Variants in DMD observed in about 807,000 individuals in gnomAD.
DMD encodes the protein mutant dystrophin.
DMD carries 63 observed loss-of-function variants against 330.1 expected under a neutral mutation model. That is an observed-to-expected ratio of 0.19 (90% CI 0.16 to 0.24). The LOEUF (loss-of-function observed/expected upper bound fraction) is 0.24. Among genes scored for constraint, DMD ranks in the 10% least tolerant of loss-of-function variants. DMD has a pLI of 1.00. For synonymous variants in DMD, 1,223 were observed against 959.8 expected (o/e 1.27, Z -5.07); for missense variants, 3,344 against 2,684.1 (o/e 1.25, Z -5.43).
At chrX:32,123,459 C>T (rs1489164255) in intron 44 of DMD, among the ~76,000 whole-genome samples, 2 of 106,965 alleles carry the variant, frequency 1.9e-5, no homozygotes, top group Admixed American at 1.0e-4. Flanking sequence ...GATCTGGGAC[C>T]CACACTTTGA....
chrX:31,908,789 G>A (rs2094510617), intron 47 of DMD, among the ~76,000 whole-genome samples: 2 of 110,741 alleles, frequency 1.8e-5, no homozygotes, highest in Admixed American at 1.9e-4. Flanking sequence ...TGAAGGGCAA[G>A]GGGGACAGGG....
rs189518483 is a variant in DMD at position 32,166,893 on chromosome X, T to C, written c.6438+50023A>G. 7.1e-5 allele frequency among the ~76,000 whole-genome samples: 8 copies of C among 112,228 alleles called. No individual in the cohort carries two copies. The East Asian group carries it at 2.0e-3, about 28-fold the overall frequency. ...CCTCATTATTAGCAGTTTTTTTAAA[T>C]AATAAAGTTGAGCATTACCATGTAG... On this transcript the variant is annotated intron_variant, in intron 44 of 78. Transcript: ENST00000357033.
At chrX:31,645,270 C>T (rs2080017237) in intron 54 of DMD, among the ~76,000 whole-genome samples, 2 of 110,829 alleles carry the variant, frequency 1.8e-5, no homozygotes, top group Admixed American at 9.5e-5. Flanking sequence ...AAAAATTTCT[C>T]CTCCATCCTC....
Position 32,576,125 on chromosome X carries a change from CA to C in DMD, c.1603-2280del, listed in dbSNP as rs765976988. Among the ~76,000 whole-genome samples, 13 of 111,673 alleles carry C rather than the reference CA, an allele frequency of 1.2e-4. No individual in the cohort carries two copies. In the South Asian group the frequency reaches 4.5e-3, roughly 39 times the overall value. ...GCAGTTTTGTTCACTGTATGAGTCACAAAAAACTAATAGAGTAGTTCTCCTT... is the reference window on the plus strand; with the variant it reads ...GCAGTTTTGTTCACTGTATGAGTCACAAAAACTAATAGAGTAGTTCTCCTT... On this transcript the variant is annotated intron_variant, in intron 13 of 78. Coordinates refer to ENST00000357033, the MANE Select transcript of DMD (RefSeq NM_004006.3).
intron 57 of DMD, among the ~76,000 whole-genome samples, chrX:31,489,601 C>T (rs1205096661): frequency 3.6e-5 from 4 of 111,958 alleles, no homozygotes; most frequent in African/African-American, 1.3e-4. Context: ...ATCTAAACAT[C>T]CATAGGGGCA....
chrX:32,154,683 A>G (rs771989974), intron 44 of DMD, among the ~76,000 whole-genome samples: 10 of 111,703 alleles, frequency 9.0e-5, no homozygotes, highest in Non-Finnish European at 1.9e-4. Context: ...ATAAAGTTTC[A>G]TGGTACTCAC....
chrX:32,879,229 G>A (rs746942497), intron 2 of DMD, among the ~76,000 whole-genome samples: 1 of 111,173 alleles, frequency 9.0e-6, no homozygotes, highest in Non-Finnish European at 1.9e-5. Context: ...GGGCATTCAG[G>A]TAGAGATGGC....
At chrX:32,590,931 A>G (rs7056851) in intron 13 of DMD, among the ~76,000 whole-genome samples, 4 of 111,345 alleles carry the variant, frequency 3.6e-5, no homozygotes, top group African/African-American at 1.3e-4. Context: ...ATATACATCT[A>G]TCTATCCATC....
At chrX:31,932,058 G>A (rs2094861650) in intron 46 of DMD, 22 bp downstream of exon 46, 3 of 1,208,254 alleles carry the variant, frequency 2.5e-6, no homozygotes, top group Non-Finnish European at 3.4e-6. Flanking sequence ...AGGCCCTGGG[G>A]GATTTGAGAA....
Position 32,119,147 on chromosome X carries a change from T to C in DMD, c.6438+97769A>G, listed in dbSNP as rs775720480. ...GCGTTTGAGATCAGTCTGGGCAACA[T>C]GGTGAAACCCTGTCTCTACTAAAAA... On this transcript the variant is annotated intron_variant, in intron 44 of 78. Transcript: ENST00000357033. 2.7e-5 allele frequency among the ~76,000 whole-genome samples: 3 copies of C among 110,168 alleles called. No homozygotes were observed. In the East Asian group the frequency reaches 8.7e-4, roughly 32 times the overall value.
At chrX:31,485,399 T>C (rs1009313816) in intron 57 of DMD, among the ~76,000 whole-genome samples, 2 of 110,937 alleles carry the variant, frequency 1.8e-5, no homozygotes, top group Non-Finnish European at 3.8e-5. Flanking sequence ...TTTCACTATG[T>C]TGGGCAAGCT....
chrX:31,687,844 T>C (rs2082793013), intron 52 of DMD, among the ~76,000 whole-genome samples: 1 of 111,883 alleles, frequency 8.9e-6, no homozygotes, highest in Non-Finnish European at 1.9e-5. Flanking sequence ...GGGAGTTTGA[T>C]TATTGCATGC....
intron 55 of DMD, among the ~76,000 whole-genome samples, chrX:31,547,970 A>G (rs141292179): frequency 1.0e-3 from 114 of 111,873 alleles, no homozygotes; most frequent in Non-Finnish European, 2.0e-3. Context: ...AATGGTTTGC[A>G]TGGTTTGAAT....
At chrX:31,143,285 A>AT (rs1484459145) in intron 76 of DMD, among the ~76,000 whole-genome samples, 1 of 110,308 alleles carries the variant, frequency 9.1e-6, no homozygotes, top group African/African-American at 3.3e-5. Flanking sequence ...TGTTCTCATG[A>AT]TAGTGAGTTC....
At chrX:32,172,868 G>T (rs1414883527) in intron 44 of DMD, among the ~76,000 whole-genome samples, 1 of 111,616 alleles carries the variant, frequency 9.0e-6, no homozygotes, top group Non-Finnish European at 1.9e-5. Context: ...AAACTTGAAG[G>T]TATTTGCATG....
intron 56 of DMD, among the ~76,000 whole-genome samples, chrX:31,503,594 G>A (rs1393455475): frequency 3.6e-5 from 4 of 111,842 alleles, no homozygotes; most frequent in Non-Finnish European, 5.7e-5. Flanking sequence ...ATGTTATCAA[G>A]TGTAAATTAG....
chrX:32,441,412 T>TG, intron 27 of DMD, 98 bp from the exon 28 acceptor site: 3 of 867,582 alleles, frequency 3.5e-6, no homozygotes, highest in Non-Finnish European at 5.0e-6. Context: ...AATATAACAC[T>TG]TTGTATTTTT....
intron 44 of DMD, among the ~76,000 whole-genome samples, chrX:32,195,698 G>A (rs2096996561): frequency 8.9e-6 from 1 of 112,266 alleles, no homozygotes; most frequent in Non-Finnish European, 1.9e-5. Flanking sequence ...TGCCTTAGAG[G>A]TCAAGAGGCG....
At chrX:32,346,378 TC>T (rs941592179) in intron 38 of DMD, among the ~76,000 whole-genome samples, 1 of 111,238 alleles carries the variant, frequency 9.0e-6, no homozygotes, top group African/African-American at 3.3e-5. Flanking sequence ...GTGAAAGTAT[TC>T]TTTTGGCTTT....
Sources: gnomAD v4.1 joint callset for allele counts (sites outside exome capture counted in the v4.1 genomes callset) on GRCh38, gnomAD v4.1.1 for gene constraint, MANE v1.5 for transcripts, NCBI Gene and HGNC (gene_info 2026-07-23, HGNC 2026-07-21) for gene names.